EPHX2: variants seen among roughly 807,000 people sequenced by gnomAD.
The protein encoded by EPHX2 is epoxide hydrolase 2.
EPHX2 carries 74 observed loss-of-function variants against 78.7 expected under a neutral mutation model. The observed-to-expected ratio is 0.94, with a 90% CI of 0.78 to 1.14. The LOEUF is 1.14. Ranked by LOEUF, EPHX2 falls within the 50% of genes most tolerant of loss-of-function variation. The probability of loss-of-function intolerance (pLI) is 0.00; values close to 1 mark genes in which losing one functional copy is unlikely to be tolerated. For missense variants in EPHX2, 715 were observed against 702.5 expected (o/e 1.02, Z -0.20); for synonymous variants, 251 against 255.2 (o/e 0.98, Z 0.16).
At chr8:27,548,463 A>T (rs1220010854), downstream of EPHX2, among the ~76,000 whole-genome samples, 1 of 152,188 alleles carries the variant, frequency 6.6e-6, no homozygotes, top group Non-Finnish European at 1.5e-5. Context: ...CAACTCCTGC[A>T]CCCAAATGTG....
intron 5 of EPHX2, among the ~76,000 whole-genome samples, chr8:27,509,752 C>T (rs567877538): frequency 8.5e-5 from 13 of 152,338 alleles, no homozygotes; most frequent in African/African-American, 2.9e-4. Flanking sequence ...TATATCCCCA[C>T]AGAAAAATCA....
At chr8:27,508,602 G>A (rs1242796862) in intron 5 of EPHX2, among the ~76,000 whole-genome samples, 1 of 152,144 alleles carries the variant, frequency 6.6e-6, no homozygotes, top group African/African-American at 2.4e-5. Flanking sequence ...ACAGATACCT[G>A]TCCTGTGAAA....
chr8:27,509,400 G>T (rs1422650192), intron 5 of EPHX2, among the ~76,000 whole-genome samples: 1 of 152,156 alleles, frequency 6.6e-6, no homozygotes, highest in East Asian at 1.9e-4. Context: ...CCTACGAGTG[G>T]AATTACTGGA....
chr8:27,498,990 G>A lies in EPHX2; in HGVS notation c.102-1936G>A, dbSNP rs1163220009. 3.3e-5 allele frequency among the ~76,000 whole-genome samples: 5 copies of A among 152,218 alleles called. No individual in the cohort carries two copies. In the East Asian group the frequency reaches 9.6e-4, roughly 29 times the overall value. ...GGAGGCTGATAATTCCAAGGTTGAG[G>A]GGTTGCATCTGGTGAGGGCATTTTT... is the stretch of plus-strand genomic sequence containing the variant. On this transcript the variant is annotated intron_variant, in intron 1 of 18. Transcript: ENST00000521400.
In EPHX2 at chr8:27,515,882, G is replaced by A. The variant is rs113992961; in HGVS notation, c.831+69G>A. 187 of 1,334,494 alleles carry A rather than the reference G, an allele frequency of 1.4e-4. 1 individual carries two copies. Among genetic ancestry groups the A allele is most frequent in the African/African-American group, 7.3e-4 (51 of 69,742 alleles). 82.7% of individuals were successfully genotyped at this position (1,334,494 alleles called of 1,614,324 possible). On this transcript the variant is annotated intron_variant, in intron 7 of 18. Transcript: ENST00000521400. ...GGGAGTCTAGATGGTGTGGTCCGACGTGGACTGTCGTGAGGAAGCTGAAAC... is the reference window on the plus strand; with the variant it reads ...GGGAGTCTAGATGGTGTGGTCCGACATGGACTGTCGTGAGGAAGCTGAAAC...
rs751823140 is a variant in EPHX2, at chr8:27,516,290, C to T, written c.832-30C>T. On this transcript the variant is annotated intron_variant, in intron 7 of 18. Coordinates refer to ENST00000521400, the MANE Select transcript of EPHX2 (RefSeq NM_001979.6). Reference sequence around the variant, plus strand: ...AGTATCCGCCTAGGACTGATGGGACCATGCTGGAGTGTGCCTGTTTGTTTT... The same window carrying T: ...AGTATCCGCCTAGGACTGATGGGACTATGCTGGAGTGTGCCTGTTTGTTTT... The T allele has an allele frequency of 4.4e-6, 7 of 1,602,548 alleles. No individual in the cohort carries two copies. The Admixed American group carries it at 5.0e-5, about 11-fold the overall frequency.
intron 2 of EPHX2, among the ~76,000 whole-genome samples, chr8:27,502,551 G>A (rs949186600): frequency 1.3e-5 from 2 of 152,196 alleles, no homozygotes; most frequent in African/African-American, 4.8e-5. Context: ...CTGGAGGCTG[G>A]GAAGTCCAAG....
At chr8:27,527,958 A>G (rs1489998189) in intron 12 of EPHX2, among the ~76,000 whole-genome samples, 1 of 152,184 alleles carries the variant, frequency 6.6e-6, no homozygotes, top group Non-Finnish European at 1.5e-5. Flanking sequence ...GGGTCAGGAT[A>G]TCGACCTAGG....
intron 2 of EPHX2, among the ~76,000 whole-genome samples, chr8:27,502,865 G>A (rs1353810488): frequency 6.6e-6 from 1 of 152,166 alleles, no homozygotes; most frequent in Non-Finnish European, 1.5e-5. Context: ...GACTCTGGGG[G>A]CTAGGACTTC....
intron 1 of EPHX2, among the ~76,000 whole-genome samples, chr8:27,499,011 TTTTTGCTGG>T: frequency 6.6e-6 from 1 of 152,286 alleles, no homozygotes; most frequent in South Asian, 2.1e-4. Flanking sequence ...GGTGAGGGCA[TTTTTGCTGG>T]TAGGGACTCT....
At chr8:27,521,101 G>A (rs141664740) in intron 10 of EPHX2, among the ~76,000 whole-genome samples, 192 bp downstream of exon 10, 1 of 152,198 alleles carries the variant, frequency 6.6e-6, no homozygotes, top group Admixed American at 6.5e-5. Context: ...GTGGAGAACA[G>A]GATGGAGATG....
intron 16 of EPHX2, among the ~76,000 whole-genome samples, chr8:27,542,893 C>T (rs1329196331): frequency 1.3e-5 from 2 of 152,072 alleles, no homozygotes; most frequent in African/African-American, 4.8e-5. Flanking sequence ...CCACCCACCT[C>T]GGCCTCCCAA....
At chr8:27,544,042 A>G (rs961016658) in intron 17 of EPHX2, 144 bp from the exon 18 acceptor site, 1 of 1,090,150 alleles carries the variant, frequency 9.2e-7, no homozygotes, top group Admixed American at 1.9e-5. Flanking sequence ...TCATTCATTC[A>G]TTATTCCCTT....
chr8:27,521,386 C>T (rs958147306), intron 10 of EPHX2, among the ~76,000 whole-genome samples: 12 of 152,200 alleles, frequency 7.9e-5, no homozygotes, highest in African/African-American at 2.7e-4. Flanking sequence ...CCCAAGACTG[C>T]ATGGTATAAC....
At chr8:27,544,351 C>G in intron 18 of EPHX2, 93 bp from the exon 19 acceptor site, 1 of 1,589,520 alleles carries the variant, frequency 6.3e-7, no homozygotes, top group Non-Finnish European at 8.6e-7. Flanking sequence ...GGCTTAGCCA[C>G]TCATGTCACT....
In EPHX2 at chr8:27,543,746, C is replaced by A. The variant is rs369393116; in HGVS notation, c.1450-3C>A. The A allele has an allele frequency of 2.2e-5, 35 of 1,613,922 alleles. No homozygotes were observed. The highest frequency in any genetic ancestry group is 2.7e-5 in the Non-Finnish European group (32 of 1,179,986). On this transcript the variant is annotated splice_polypyrimidine_tract_variant and splice_region_variant and intron_variant, in intron 16 of 18. Transcript: ENST00000521400. Reference sequence around the variant, plus strand: ...CCACTTCTGTTTCCTGTTCTCCCCCCAGATCCTGATTCCGGCCCTGATGGT... The same window carrying A: ...CCACTTCTGTTTCCTGTTCTCCCCCAAGATCCTGATTCCGGCCCTGATGGT...
At chr8:27,541,377 A>G in intron 15 of EPHX2, 96 bp from the exon 16 acceptor site, 2 of 1,329,204 alleles carry the variant, frequency 1.5e-6, no homozygotes, top group Non-Finnish European at 1.1e-6. Flanking sequence ...TGCTCTTCCC[A>G]GGACGACTGG....
Position 27,491,228 on chromosome 8 carries a change from T to A in EPHX2, c.20T>A (p.Val7Asp). The change falls in exon 1 of 19, where the codon GTC becomes GAC. Residue 7 changes from valine (V) to aspartate (D), a missense_variant. Transcript: ENST00000521400. MTLRAA[V>D]FDLDGVLALP... ...GCCGCCATGACGCTGCGCGCGGCCG[T>A]CTTCGACCTTGACGGGGTGCTGGCG... 3 of 1,584,750 alleles carry A rather than the reference T, an allele frequency of 1.9e-6. No homozygotes were observed. The highest frequency in any genetic ancestry group is 2.6e-6 in the Non-Finnish European group (3 of 1,174,108).
chr8:27,517,433 G>A (rs888572990), intron 8 of EPHX2, among the ~76,000 whole-genome samples: 2 of 152,256 alleles, frequency 1.3e-5, no homozygotes, highest in Middle Eastern at 3.4e-3. Flanking sequence ...TAGTCAAAGC[G>A]ACCTTCAGAA....
Sources: gnomAD v4.1 joint callset for allele counts (sites outside exome capture counted in the v4.1 genomes callset) on GRCh38, gnomAD v4.1.1 for gene constraint, MANE v1.5 for transcripts, NCBI Gene and HGNC (gene_info 2026-07-23, HGNC 2026-07-21) for gene names.